Variants in ADGRL2 observed in about 807,000 individuals in gnomAD.
ADGRL2 encodes the protein adhesion G protein-coupled receptor L2.
ADGRL2 carries 44 observed loss-of-function variants against 157.4 expected under a neutral mutation model. That is an observed-to-expected ratio of 0.28 (90% CI 0.22 to 0.36). The LOEUF is 0.36. Ranked by LOEUF, ADGRL2 falls within the 10% of genes least tolerant of loss-of-function variation. The pLI, the probability that ADGRL2 is intolerant of heterozygous loss-of-function variation, is 1.00. For missense variants in ADGRL2, 1,510 were observed against 1,768.9 expected (o/e 0.85, Z 2.63); for synonymous variants, 585 against 624.7 (o/e 0.94, Z 0.95).
intron 1 of ADGRL2, among the ~76,000 whole-genome samples, chr1:81,374,578 G>GAAAAAAAA (rs71242588): frequency 7.7e-6 from 1 of 130,252 alleles, no homozygotes; most frequent in Admixed American, 8.1e-5. Flanking sequence ...TCTCAAAAAA[G>GAAAAAAAA]AAAAAAAAAA....
intron 21 of ADGRL2, among the ~76,000 whole-genome samples, chr1:81,986,623 G>T (rs1374852000): frequency 6.6e-6 from 1 of 152,036 alleles, no homozygotes; most frequent in Non-Finnish European, 1.5e-5. Flanking sequence ...TTGTTTAACA[G>T]TGCTTTTGTA....
intron 1 of ADGRL2, among the ~76,000 whole-genome samples, chr1:81,704,719 A>G (rs1217016805): frequency 1.3e-5 from 2 of 152,256 alleles, no homozygotes; most frequent in Non-Finnish European, 2.9e-5. Context: ...AGATTTTTAA[A>G]CAAAGGAATG....
At chr1:81,425,236 T>C (rs2077190934) in intron 1 of ADGRL2, among the ~76,000 whole-genome samples, 1 of 152,330 alleles carries the variant, frequency 6.6e-6, no homozygotes, top group Non-Finnish European at 1.5e-5. Flanking sequence ...CTATCACATA[T>C]ATACACACAA....
At chr1:81,517,908 G>T (rs1245088585) in intron 2 of ADGRL2, among the ~76,000 whole-genome samples, 1 of 152,210 alleles carries the variant, frequency 6.6e-6, no homozygotes, top group Non-Finnish European at 1.5e-5. Flanking sequence ...TTCTGAGAAT[G>T]CCTAAAATTT....
chr1:81,605,119 A>G (rs2081407399), intron 3 of ADGRL2, among the ~76,000 whole-genome samples: 3 of 152,194 alleles, frequency 2.0e-5, no homozygotes, highest in African/African-American at 4.8e-5. Context: ...TGAGGGCAGC[A>G]TAGGAGCAGC....
chr1:81,390,611 A>G (rs2076526695), intron 1 of ADGRL2, among the ~76,000 whole-genome samples: 1 of 152,304 alleles, frequency 6.6e-6, no homozygotes, highest in Non-Finnish European at 1.5e-5. Flanking sequence ...ATATTCTTCC[A>G]GAATTTTTCC....
chr1:81,315,631 G>A (rs971792390), intron 1 of ADGRL2, among the ~76,000 whole-genome samples: 1 of 152,104 alleles, frequency 6.6e-6, no homozygotes, highest in Non-Finnish European at 1.5e-5. Context: ...AGCTGTCACA[G>A]CACATTTCTT....
intron 1 of ADGRL2, among the ~76,000 whole-genome samples, chr1:81,759,439 T>G (rs2149299738): frequency 6.6e-6 from 1 of 152,190 alleles, no homozygotes; most frequent in Middle Eastern, 3.4e-3. Context: ...TTTAAAAAAT[T>G]TTTACTATAC....
chr1:81,911,028 C>G (rs1274973790), intron 3 of ADGRL2, among the ~76,000 whole-genome samples: 1 of 151,826 alleles, frequency 6.6e-6, no homozygotes, highest in Non-Finnish European at 1.5e-5. Flanking sequence ...TTTTCACTCC[C>G]TTTCTTCCAT....
intron 2 of ADGRL2, among the ~76,000 whole-genome samples, chr1:81,533,250 A>T (rs1304960084): frequency 6.6e-6 from 1 of 152,040 alleles, no homozygotes. Context: ...GTGGTGATGC[A>T]CGCCTGTAAT....
chr1:81,796,443 C>G (rs1485144872), upstream of ADGRL2, among the ~76,000 whole-genome samples: 1 of 152,074 alleles, frequency 6.6e-6, no homozygotes, highest in Non-Finnish European at 1.5e-5. Flanking sequence ...GATAAAAGAC[C>G]TATAAGACCC....
intron 11 of ADGRL2, among the ~76,000 whole-genome samples, chr1:81,961,077 G>A (rs1160022610): frequency 1.3e-5 from 2 of 152,098 alleles, no homozygotes; most frequent in African/African-American, 4.8e-5. Context: ...ACTTGCTGAG[G>A]AATTTGCAAA....
chr1:81,402,732 C>T (rs1349565846), intron 1 of ADGRL2, among the ~76,000 whole-genome samples: 1 of 152,194 alleles, frequency 6.6e-6, no homozygotes, highest in Non-Finnish European at 1.5e-5. Context: ...TTTGAAAAGA[C>T]CTTGAAACTG....
chr1:81,485,939 T>A (rs2078490814), intron 2 of ADGRL2, among the ~76,000 whole-genome samples: 1 of 152,198 alleles, frequency 6.6e-6, no homozygotes, highest in East Asian at 1.9e-4. Context: ...AGCTAACACC[T>A]CTGCCCTACA....
intron 2 of ADGRL2, among the ~76,000 whole-genome samples, chr1:81,560,802 G>T (rs1186977473): frequency 6.6e-6 from 1 of 152,004 alleles, no homozygotes; most frequent in African/African-American, 2.4e-5. Context: ...CCTCACAATG[G>T]TCTGCAAGTC....
chr1:81,659,611 A>T (rs2148874297), intron 3 of ADGRL2, among the ~76,000 whole-genome samples: 1 of 151,966 alleles, frequency 6.6e-6, no homozygotes, highest in Admixed American at 6.6e-5. Flanking sequence ...CAGGATGTGT[A>T]ACATTGATGA....
At chr1:81,504,578 G>A (rs1292987016) in intron 2 of ADGRL2, among the ~76,000 whole-genome samples, 2 of 152,036 alleles carry the variant, frequency 1.3e-5, no homozygotes, top group South Asian at 2.1e-4. Flanking sequence ...TGGGTACCCC[G>A]GCCCCTCTGG....
At chr1:81,678,108 T>G (rs2083033529) in intron 3 of ADGRL2, among the ~76,000 whole-genome samples, 1 of 152,178 alleles carries the variant, frequency 6.6e-6, no homozygotes, top group African/African-American at 2.4e-5. Context: ...TAGGAAGAAT[T>G]TATCATTCCT....
At chr1:81,765,035 T>G (rs1002672219) in intron 2 of ADGRL2, among the ~76,000 whole-genome samples, 21 of 152,042 alleles carry the variant, frequency 1.4e-4, no homozygotes, top group Non-Finnish European at 7.4e-5. Context: ...ATTTTGATAA[T>G]ATTCCTTCTA....
Sources: allele counts gnomAD v4.1 joint callset (sites outside exome capture counted in the v4.1 genomes callset), GRCh38; gene constraint gnomAD v4.1.1; transcripts MANE v1.5; gene names NCBI Gene and HGNC (gene_info 2026-07-23, HGNC 2026-07-21).